Variants in INVS observed in about 807,000 individuals in gnomAD.
INVS encodes inversin, also known as inversion of embryo turning homolog.
In INVS, 86 loss-of-function variants were observed where a neutral mutation model predicts 108.8. The observed-to-expected ratio is 0.79, with a 90% confidence interval of 0.66 to 0.95. The LOEUF (loss-of-function observed/expected upper bound fraction) is 0.95, where lower values mean the gene tolerates loss of function less well. Ranked by LOEUF, INVS falls within the 40% of genes least tolerant of loss-of-function variation. The pLI is 0.00. For synonymous variants in INVS, 455 were observed against 473.5 expected (o/e 0.96, Z 0.51); for missense variants, 1,169 against 1,297.4 (o/e 0.90, Z 1.52).
intron 11 of INVS, among the ~76,000 whole-genome samples, chr9:100,270,607 G>T (rs988353557): frequency 6.6e-6 from 1 of 152,012 alleles, no homozygotes; most frequent in African/African-American, 2.4e-5. Context: ...AATTAGCCGG[G>T]TGTGATGGCA....
chr9:100,099,930 C>T (rs1587992167), intron 1 of INVS, among the ~76,000 whole-genome samples: 2 of 152,158 alleles, frequency 1.3e-5, no homozygotes, highest in African/African-American at 4.8e-5. Context: ...AGCTTTCCTG[C>T]TGCCTGGAAT....
intron 10 of INVS, among the ~76,000 whole-genome samples, chr9:100,261,059 C>T (rs889671813): frequency 5.3e-5 from 8 of 152,082 alleles, no homozygotes; most frequent in African/African-American, 1.9e-4. Context: ...CCAGTATTAA[C>T]TTTTTTGCTA....
At chr9:100,198,700 C>A (rs903205395) in intron 3 of INVS, among the ~76,000 whole-genome samples, 1 of 151,730 alleles carries the variant, frequency 6.6e-6, no homozygotes, top group African/African-American at 2.4e-5. Context: ...TCAAGCAATT[C>A]TTCTGCCTCA....
At chr9:100,281,585 T>C (rs1833278277) in intron 12 of INVS, among the ~76,000 whole-genome samples, 1 of 152,254 alleles carries the variant, frequency 6.6e-6, no homozygotes, top group African/African-American at 2.4e-5. Context: ...TTGTGGGCCA[T>C]GTGCCACCTA....
At chr9:100,113,429 T>TGCTGAAAAGCTAGGAAG (rs1401306254) in intron 2 of INVS, among the ~76,000 whole-genome samples, 10 of 152,226 alleles carry the variant, frequency 6.6e-5, no homozygotes, top group Admixed American at 6.5e-5. Context: ...CGAAGTAAAT[T>TGCTGAAAAGCTAGGAAG]GCTGAAAAGC....
intron 3 of INVS, among the ~76,000 whole-genome samples, chr9:100,160,550 A>G (rs928121158): frequency 1.3e-5 from 2 of 152,074 alleles, no homozygotes; most frequent in Non-Finnish European, 1.5e-5. Context: ...CAGTTGTTCT[A>G]CTTCACTTCC....
At chr9:100,263,328 T>G (rs943640017) in intron 10 of INVS, among the ~76,000 whole-genome samples, 10 of 152,216 alleles carry the variant, frequency 6.6e-5, no homozygotes, top group African/African-American at 1.9e-4. Flanking sequence ...AAATTCAAAC[T>G]GGGCCTTACT....
At chr9:100,265,653 A>C (rs1057360217) in intron 11 of INVS, among the ~76,000 whole-genome samples, 4 of 152,222 alleles carry the variant, frequency 2.6e-5, no homozygotes, top group African/African-American at 9.6e-5. Flanking sequence ...AGATGCCACC[A>C]TGTAGCATGA....
At position 100,126,401 on chromosome 9, in the gene INVS, A is replaced by G; in HGVS notation, c.125A>G (p.Asp42Gly). The change falls in exon 3 of 17, where the codon GAC becomes GGC. Residue 42 changes from aspartate (D) to glycine (G), a missense_variant. By Grantham distance (94) the Asp-to-Gly change is moderately conservative. This residue lies in a region of INVS where 365 missense variants were observed against 397.5 expected (regional missense o/e 0.92). Transcript: ENST00000262457. Reference protein sequence around the residue: ...RLIVGNSALKDKEDQFGRTPL... With the variant: ...RLIVGNSALKGKEDQFGRTPL... The stretch of plus-strand genomic sequence containing the variant: ...CTTATAGGAAACTCTGCTCTTAAAG[A>G]CAAAGAAGATCAGTTTGGGAGAACA... The G allele has an allele frequency of 6.2e-7, 1 of 1,613,958 alleles. No individual in the cohort carries two copies. The highest frequency in any genetic ancestry group is 8.5e-7 in the Non-Finnish European group (1 of 1,179,806).
chr9:100,279,798 AAG>A (rs1176740970), intron 12 of INVS, among the ~76,000 whole-genome samples: 1 of 152,174 alleles, frequency 6.6e-6, no homozygotes, highest in South Asian at 2.1e-4. Context: ...TGGGATGGGA[AAG>A]AGCCTGCCTG....
intron 5 of INVS, among the ~76,000 whole-genome samples, chr9:100,234,608 T>G (rs949539323): frequency 6.6e-6 from 1 of 152,222 alleles, no homozygotes; most frequent in Non-Finnish European, 1.5e-5. Context: ...ATTTCTGCTT[T>G]TATTTCATTA....
chr9:100,262,838 C>T (rs1832673396), intron 10 of INVS, among the ~76,000 whole-genome samples: 2 of 152,158 alleles, frequency 1.3e-5, no homozygotes, highest in Non-Finnish European at 1.5e-5. Context: ...CTCAACCTTC[C>T]CAGGCTCGGG....
intron 3 of INVS, chr9:100,175,630 G>T (rs1403863112): frequency 3.0e-6 from 2 of 670,558 alleles, no homozygotes; most frequent in Non-Finnish European, 5.6e-6. Context: ...AATAGCAATG[G>T]TGTGACTCCA....
chr9:100,138,863 C>A (rs562400048), intron 3 of INVS, among the ~76,000 whole-genome samples: 6 of 150,452 alleles, frequency 4.0e-5, no homozygotes, highest in African/African-American at 1.0e-4. Context: ...CCTGCCACCA[C>A]GCCTGGATAA....
chr9:100,115,368 A>G (rs967425579), intron 2 of INVS, among the ~76,000 whole-genome samples: 1 of 152,118 alleles, frequency 6.6e-6, no homozygotes, highest in African/African-American at 2.4e-5. Context: ...GGTTTGTTAC[A>G]TATGTATACA....
intron 5 of INVS, among the ~76,000 whole-genome samples, chr9:100,236,532 G>C (rs1831691622): frequency 6.6e-6 from 1 of 152,150 alleles, no homozygotes; most frequent in African/African-American, 2.4e-5. Flanking sequence ...ACCTTTGGAT[G>C]GGATTTTTGT....
intron 14 of INVS, among the ~76,000 whole-genome samples, chr9:100,294,264 T>C (rs948644445): frequency 2.6e-5 from 4 of 151,876 alleles, no homozygotes; most frequent in Admixed American, 1.3e-4. Flanking sequence ...GCGGCACAGG[T>C]GTATGAGATA....
intron 6 of INVS, among the ~76,000 whole-genome samples, chr9:100,241,277 T>C (rs1441602969): frequency 6.6e-6 from 1 of 152,206 alleles, no homozygotes; most frequent in Non-Finnish European, 1.5e-5. Flanking sequence ...TTTGTCTCCA[T>C]GTAACTAAAT....
At chr9:100,189,145 G>A (rs1830147502) in intron 3 of INVS, among the ~76,000 whole-genome samples, 2 of 131,556 alleles carry the variant, frequency 1.5e-5, no homozygotes, top group Non-Finnish European at 3.1e-5. Flanking sequence ...ATAGCTAATG[G>A]TCTATCAATC....
Sources: gnomAD v4.1 joint callset for allele counts (sites outside exome capture counted in the v4.1 genomes callset) on GRCh38, gnomAD v4.1.1 for gene constraint, gnomAD v4.1.1 regional missense constraint, MANE v1.5 for transcripts, NCBI Gene and HGNC (gene_info 2026-07-23, HGNC 2026-07-21) for gene names.